PSIP1: variants seen among roughly 807,000 people sequenced by gnomAD.
The protein encoded by PSIP1 is PC4 and SFRS1-interacting protein.
Under a neutral mutation model 74.7 loss-of-function variants are expected in PSIP1, and 19 were observed. That is an observed-to-expected ratio of 0.25 (90% CI 0.18 to 0.37). PSIP1 has a LOEUF of 0.37. Ranked by LOEUF, PSIP1 falls within the 10% of genes least tolerant of loss-of-function variation. PSIP1 has a pLI of 1.00. For synonymous variants in PSIP1, 222 were observed against 195.3 expected (o/e 1.14, Z -1.14); for missense variants, 601 against 614.3 (o/e 0.98, Z 0.23).
Position 15,504,505 on chromosome 9 carries a change from A to T in PSIP1, c.149+2056T>A, listed in dbSNP as rs140876827. Among the ~76,000 whole-genome samples the T allele has an allele frequency of 7.9e-5, 12 of 152,272 alleles. No homozygotes were observed. The East Asian group carries it at 2.3e-3, about 29-fold the overall frequency. ...TCCATTCCAGCACTTTAGGAGGCCG[A>T]GGTGGGCAGATCACGAGGTCAGGAG... is the stretch of plus-strand genomic sequence containing the variant. On this transcript the variant is annotated intron_variant, in intron 3 of 15. Coordinates refer to ENST00000380733, the MANE Select transcript of PSIP1 (RefSeq NM_033222.5).
At chr9:15,506,723 A>T in intron 2 of PSIP1, 86 bp from the exon 3 acceptor site, 1 of 1,007,106 alleles carries the variant, frequency 9.9e-7, no homozygotes, top group Non-Finnish European at 1.5e-6. Context: ...CAACATCCAA[A>T]AGGGTTCTGT....
In PSIP1 at chr9:15,468,822, GACTA is replaced by G. The variant is rs1408498843; in HGVS notation, c.1224_1227del (p.Ser409ArgfsTer2). ...ATTGTAGACTTTTCCATGATTACCTGACTAACTTTGAATCGCCGTATCTGAGAAA... is the reference window on the plus strand; with the variant it reads ...ATTGTAGACTTTTCCATGATTACCTGACTTTGAATCGCCGTATCTGAGAAA... On this transcript the variant is annotated frameshift_variant, in exon 14 of 16. Coordinates refer to ENST00000380733, the MANE Select transcript of PSIP1 (RefSeq NM_033222.5). LOFTEE classifies it high-confidence loss of function. 3 of 1,613,514 alleles carry G rather than the reference GACTA, an allele frequency of 1.9e-6. No individual in the cohort carries two copies. The highest frequency in any genetic ancestry group is 2.5e-6 in the Non-Finnish European group (3 of 1,179,640).
At chr9:15,509,671 C>A (rs1031935136) in intron 2 of PSIP1, among the ~76,000 whole-genome samples, 1 of 151,928 alleles carries the variant, frequency 6.6e-6, no homozygotes, top group Non-Finnish European at 1.5e-5. Flanking sequence ...TTTTTAAAAC[C>A]CTGTAAATCC....
chr9:15,466,388 A>T (rs994884761), intron 15 of PSIP1, among the ~76,000 whole-genome samples: 1 of 117,714 alleles, frequency 8.5e-6, no homozygotes, highest in Non-Finnish European at 2.1e-5. Flanking sequence ...CAAAGAAAAA[A>T]CAACAACAAC....
chr9:15,468,049 G>T (rs1442143094), intron 14 of PSIP1, among the ~76,000 whole-genome samples: 1 of 146,756 alleles, frequency 6.8e-6, no homozygotes, highest in African/African-American at 2.7e-5. Context: ...GAACCCAGAA[G>T]GTGGAGGGTT....
intron 10 of PSIP1, chr9:15,470,636 T>G (rs1247920750): frequency 1.9e-5 from 17 of 907,148 alleles, no homozygotes; most frequent in Middle Eastern, 5.5e-4. Flanking sequence ...AAAAATCAGG[T>G]TTTTTTTTTA....
chr9:15,507,763 G>C (rs1282145137), intron 2 of PSIP1, among the ~76,000 whole-genome samples: 4 of 152,168 alleles, frequency 2.6e-5, no homozygotes, highest in Non-Finnish European at 2.9e-5. Context: ...ACCATCAGAG[G>C]ACCTACTATC....
chr9:15,487,357 G>A (rs1040159018), intron 4 of PSIP1, among the ~76,000 whole-genome samples: 1 of 152,030 alleles, frequency 6.6e-6, no homozygotes, highest in Admixed American at 6.6e-5. Flanking sequence ...CACTTTGGGA[G>A]GCTGAGGCAG....
intron 10 of PSIP1, chr9:15,471,567 T>A (rs1378886876): frequency 1.0e-6 from 1 of 961,754 alleles, no homozygotes; most frequent in East Asian, 1.1e-4. Context: ...AAATGATAGG[T>A]GACAAAGAAT....
intron 5 of PSIP1, among the ~76,000 whole-genome samples, chr9:15,486,389 G>C (rs150923245): frequency 2.0e-5 from 3 of 152,150 alleles, no homozygotes; most frequent in Admixed American, 2.0e-4. Flanking sequence ...TTAAAGGGTG[G>C]CTGGGACATT....
rs747406587 is a variant in PSIP1, at chr9:15,479,598, T to C, written c.546A>G (p.Arg182=). ...VNLKVSPKRG[R]PAATEVKIPK... is the part of the protein sequence containing the mutation. ...AAACATCAGTAATCCTACCTGCAGG[T>C]CGTCCTCTTTTAGGACTCACTTTTA... is the stretch of plus-strand genomic sequence containing the variant. Residue 182 remains arginine (R), a synonymous_variant, in exon 7 of 16, where the codon CGA becomes CGG. Coordinates refer to ENST00000380733, the MANE Select transcript of PSIP1 (RefSeq NM_033222.5). 1.9e-6 allele frequency: 3 copies of C among 1,599,314 alleles called. No homozygotes were observed. The highest frequency in any genetic ancestry group is 2.3e-5 in the East Asian group (1 of 44,034).
chr9:15,494,565 C>CAAAAAAA (rs57170853), intron 3 of PSIP1, among the ~76,000 whole-genome samples: 8 of 37,560 alleles, frequency 2.1e-4, no homozygotes, highest in South Asian at 1.4e-3. Flanking sequence ...AACTGCATCT[C>CAAAAAAA]AAAAAAAAAA....
chr9:15,483,165 A>G (rs1298462432), intron 6 of PSIP1, among the ~76,000 whole-genome samples: 1 of 152,164 alleles, frequency 6.6e-6, no homozygotes. Flanking sequence ...CAGAGACTGC[A>G]TCTGTAACTT....
chr9:15,478,432 A>C, intron 8 of PSIP1, 45 bp downstream of exon 8: 1 of 1,376,456 alleles, frequency 7.3e-7, no homozygotes, highest in Non-Finnish European at 1.0e-6. Flanking sequence ...GTTTAAAGTC[A>C]AATGTCTCAT....
intron 12 of PSIP1, 83 bp from the exon 13 acceptor site, chr9:15,469,141 A>G: frequency 7.0e-7 from 1 of 1,426,956 alleles, no homozygotes; most frequent in Middle Eastern, 1.8e-4. Flanking sequence ...TTCCAAAAAA[A>G]AAGAGGTAGT....
chr9:15,472,838 C>G, intron 9 of PSIP1, 88 bp from the exon 10 acceptor site: 1 of 1,297,746 alleles, frequency 7.7e-7, no homozygotes, highest in Non-Finnish European at 1.1e-6. Context: ...AAAGCAGCAG[C>G]TAGTTTTTAA....
In PSIP1 at chr9:15,469,259, C is replaced by CACTT; in HGVS notation, c.1104+3_1104+6dup. 6.6e-7 allele frequency: 1 copy of CACTT among 1,513,030 alleles called. No homozygotes were observed. The highest frequency in any genetic ancestry group is 9.0e-7 in the Non-Finnish European group (1 of 1,105,160). The allele number at this position is 1,513,030 out of a possible 1,614,324, so 93.7% of individuals were successfully genotyped here. A position where few individuals can be genotyped will look rare whatever the true frequency, so the allele number is the denominator to read the frequency against. ...TACTGAAGTATTAAATGAAGTTAAA[C>CACTT]ACTTACAAGATTATCAATTTTGAGT... On this transcript the variant is annotated splice_region_variant and intron_variant, in intron 12 of 15. Coordinates refer to ENST00000380733, the MANE Select transcript of PSIP1 (RefSeq NM_033222.5).
Position 15,510,278 on chromosome 9 carries a change from C to G in PSIP1, c.-90G>C. ...ATGCGGGCGGCGGACGCGGGCCCAG[C>G]TACCGGGCCCGCGGGCGGGGGAGGA... is the stretch of plus-strand genomic sequence containing the variant. On this transcript the variant is annotated 5_prime_UTR_variant, in exon 2 of 16. Transcript: ENST00000380733. 2 of 1,096,628 alleles carry G rather than the reference C, an allele frequency of 1.8e-6. No individual in the cohort carries two copies. The highest frequency in any genetic ancestry group is 2.5e-6 in the Non-Finnish European group (2 of 788,778). The allele number at this position is 1,096,628 out of a possible 1,614,324, so 67.9% of individuals were successfully genotyped here.
At chr9:15,479,735 C>T in intron 6 of PSIP1, 48 bp from the exon 7 acceptor site, 1 of 1,498,298 alleles carries the variant, frequency 6.7e-7, no homozygotes, top group Non-Finnish European at 9.3e-7. Flanking sequence ...AGTAGGCACT[C>T]AAAGTTTAAT....
Sources: allele counts gnomAD v4.1 joint callset (sites outside exome capture counted in the v4.1 genomes callset), GRCh38; gene constraint gnomAD v4.1.1; transcripts MANE v1.5; gene names NCBI Gene and HGNC (gene_info 2026-07-23, HGNC 2026-07-21).